The following SPIDR variants were observed in gnomAD, a reference collection of about 807,000 sequenced individuals.
SPIDR encodes the protein DNA repair-scaffolding protein.
In SPIDR, 93 loss-of-function variants were observed where a neutral mutation model predicts 104.6. The observed-to-expected ratio is 0.89, with a 90% CI of 0.75 to 1.06. The LOEUF (loss-of-function observed/expected upper bound fraction) is 1.06, where lower values mean the gene tolerates loss of function less well. Ranked by LOEUF, SPIDR falls within the 50% of genes least tolerant of loss-of-function variation. SPIDR has a pLI of 0.00. For missense variants in SPIDR, 1,154 were observed against 1,111.2 expected (o/e 1.04, Z -0.55); for synonymous variants, 431 against 416.9 (o/e 1.03, Z -0.41).
chr8:47,348,662 T>C (rs2052724588), intron 5 of SPIDR, among the ~76,000 whole-genome samples: 4 of 152,234 alleles, frequency 2.6e-5, no homozygotes, highest in African/African-American at 7.2e-5. Context: ...TTCTTTTTAC[T>C]CTTTTTTCTC....
intron 8 of SPIDR, among the ~76,000 whole-genome samples, chr8:47,532,643 ACTGATAGAACTGCAAAGTAAAACAG>A (rs2154385026): frequency 6.6e-6 from 1 of 152,340 alleles, no homozygotes; most frequent in African/African-American, 2.4e-5. Context: ...AAGGCAAAAA[ACTGATAGAACTGCAAAGTAAAACAG>A]ACAAAACCAC....
At chr8:47,656,937 A>T (rs2072934265) in intron 10 of SPIDR, among the ~76,000 whole-genome samples, 1 of 152,228 alleles carries the variant, frequency 6.6e-6, no homozygotes, top group Non-Finnish European at 1.5e-5. Context: ...GAGTCCATTT[A>T]TGTGAAATAA....
At chr8:47,448,901 G>A (rs1050526974) in intron 8 of SPIDR, among the ~76,000 whole-genome samples, 6 of 152,276 alleles carry the variant, frequency 3.9e-5, no homozygotes, top group African/African-American at 1.4e-4. Flanking sequence ...CTTTGTGTAC[G>A]AAGTAGAAAT....
At chr8:47,614,522 G>A (rs188158476) in intron 10 of SPIDR, among the ~76,000 whole-genome samples, 93 of 152,190 alleles carry the variant, frequency 6.1e-4, no homozygotes, top group Middle Eastern at 6.8e-3. Flanking sequence ...ACGCCCAGCC[G>A]ATCTTGTTCC....
intron 5 of SPIDR, among the ~76,000 whole-genome samples, chr8:47,371,697 G>T (rs1339141185): frequency 2.6e-5 from 4 of 152,014 alleles, no homozygotes; most frequent in Admixed American, 2.6e-4. Flanking sequence ...CTGTAAAATG[G>T]GTATAATAAT....
intron 5 of SPIDR, among the ~76,000 whole-genome samples, chr8:47,310,621 C>T (rs587754765): frequency 5.9e-5 from 9 of 152,198 alleles, no homozygotes; most frequent in South Asian, 2.1e-4. Context: ...GGACAGAACT[C>T]GGTCATTGGT....
intron 8 of SPIDR, among the ~76,000 whole-genome samples, chr8:47,470,178 A>G (rs2075471339): frequency 6.6e-6 from 1 of 152,250 alleles, no homozygotes; most frequent in Non-Finnish European, 1.5e-5. Flanking sequence ...CAATTAAAAC[A>G]GTAGGGTACT....
At chr8:47,571,317 T>A (rs913542629) in intron 8 of SPIDR, among the ~76,000 whole-genome samples, 1 of 152,098 alleles carries the variant, frequency 6.6e-6, no homozygotes, top group African/African-American at 2.4e-5. Flanking sequence ...AACATGTGAG[T>A]AGATGGAGAT....
intron 8 of SPIDR, among the ~76,000 whole-genome samples, chr8:47,502,634 C>G (rs1340113618): frequency 6.6e-6 from 1 of 152,202 alleles, no homozygotes; most frequent in East Asian, 1.9e-4. Flanking sequence ...GTCTCTATTT[C>G]CTTCGGTTCT....
At chr8:47,484,748 A>G (rs781821246) in intron 8 of SPIDR, among the ~76,000 whole-genome samples, 3 of 152,214 alleles carry the variant, frequency 2.0e-5, no homozygotes, top group Admixed American at 6.5e-5. Context: ...ATATTTGAAC[A>G]TGGATTGCGT....
chr8:47,311,828 C>G (rs1554585395), intron 5 of SPIDR, among the ~76,000 whole-genome samples: 1 of 152,034 alleles, frequency 6.6e-6, no homozygotes, highest in East Asian at 1.9e-4. Context: ...ATTAACTCAT[C>G]ATTTAACATT....
At position 47,635,342 on chromosome 8, in the gene SPIDR, AAAAAT is replaced by A. The variant is rs572798692; in HGVS notation, c.1544+36159_1544+36163del. ...CTGGGTGACAGAGTGACTGTCTCAA[AAAAAT>A]AAAATAAAATAACTAAAAGATTAAA... On this transcript the variant is annotated intron_variant, in intron 10 of 19. Transcript: ENST00000297423. 1.0e-3 allele frequency among the ~76,000 whole-genome samples: 156 copies of A among 152,286 alleles called. 4 individuals carry two copies. Among genetic ancestry groups the A allele is most frequent in the South Asian group, 1.5e-3 (7 of 4,820 alleles).
chr8:47,506,979 G>A (rs1423048522), intron 8 of SPIDR, among the ~76,000 whole-genome samples: 4 of 152,122 alleles, frequency 2.6e-5, no homozygotes, highest in Non-Finnish European at 5.9e-5. Flanking sequence ...TTGCTAATGA[G>A]CCCACTAAAC....
chr8:47,699,512 C>A (rs2079840261), intron 11 of SPIDR, among the ~76,000 whole-genome samples: 1 of 152,128 alleles, frequency 6.6e-6, no homozygotes. Context: ...CAACTGAAAT[C>A]ATAACTGTTT....
intron 11 of SPIDR, among the ~76,000 whole-genome samples, chr8:47,683,401 C>G (rs1195566984): frequency 6.6e-6 from 1 of 152,188 alleles, no homozygotes; most frequent in Non-Finnish European, 1.5e-5. Flanking sequence ...TCCCCCTCAT[C>G]TTCTTTGTTC....
intron 8 of SPIDR, among the ~76,000 whole-genome samples, chr8:47,562,100 G>A (rs1013438305): frequency 2.6e-5 from 4 of 152,106 alleles, no homozygotes; most frequent in Non-Finnish European, 5.9e-5. Flanking sequence ...ATCTTAGAGT[G>A]ATCACATCCA....
chr8:47,299,587 T>C (rs1416278952), intron 5 of SPIDR, among the ~76,000 whole-genome samples: 1 of 152,148 alleles, frequency 6.6e-6, no homozygotes, highest in Non-Finnish European at 1.5e-5. Context: ...GGCTGTGGGT[T>C]TGTCATAAAT....
chr8:47,691,476 G>A (rs756936321), intron 11 of SPIDR, among the ~76,000 whole-genome samples: 6 of 152,072 alleles, frequency 3.9e-5, no homozygotes, highest in African/African-American at 1.2e-4. Context: ...GTCCCACCAC[G>A]GTGGTTGAAG....
intron 8 of SPIDR, among the ~76,000 whole-genome samples, chr8:47,552,497 G>C (rs2090676067): frequency 6.6e-6 from 1 of 152,168 alleles, no homozygotes; most frequent in Admixed American, 6.5e-5. Context: ...AGCTCTTCTT[G>C]TTGAATTGAT....
Sources: allele counts gnomAD v4.1 joint callset (sites outside exome capture counted in the v4.1 genomes callset), GRCh38; gene constraint gnomAD v4.1.1; transcripts MANE v1.5; gene names NCBI Gene and HGNC (gene_info 2026-07-23, HGNC 2026-07-21).